NUP85: variants seen among roughly 807,000 people sequenced by gnomAD.
NUP85 encodes the protein nucleoporin 85.
A neutral mutation model predicts 92.8 loss-of-function variants in NUP85; 23 were observed. That is an observed-to-expected ratio of 0.25 (90% CI 0.18 to 0.35). NUP85 has a LOEUF of 0.35. Ranked by LOEUF, NUP85 falls within the 10% of genes least tolerant of loss-of-function variation. The pLI is 1.00. For missense variants in NUP85, 759 were observed against 822.8 expected (o/e 0.92, Z 0.95); for synonymous variants, 314 against 306.9 (o/e 1.02, Z -0.24).
chr17:75,226,001 G>T, intron 10 of NUP85, 50 bp from the exon 11 acceptor site: 1 of 1,608,322 alleles, frequency 6.2e-7, no homozygotes, highest in South Asian at 1.1e-5. Flanking sequence ...TGCCTGCCCC[G>T]AGTCTCTGCT....
Position 75,225,168 on chromosome 17 carries a change from T to C in NUP85, c.663T>C (p.Asp221=), listed in dbSNP as rs746614282. 2 of 1,605,970 alleles carry C rather than the reference T, an allele frequency of 1.2e-6. No individual in the cohort carries two copies. Among genetic ancestry groups the C allele is most frequent in the African/African-American group, 2.7e-5 (2 of 74,858 alleles). The change falls in exon 8 of 19, where the codon GAT becomes GAC. Residue 221 remains aspartate, a synonymous_variant. Coordinates refer to ENST00000245544, the MANE Select transcript of NUP85 (RefSeq NM_024844.5). Reference sequence around the variant, plus strand: ...GACAGATGCTCTCCAAGGAAGCCGATGCCAGCCCCGCCTCTGCAGGCATAT... The same window carrying C: ...GACAGATGCTCTCCAAGGAAGCCGACGCCAGCCCCGCCTCTGCAGGCATAT... ...EARQMLSKEA[D]ASPASAGICR...
At chr17:75,212,175 A>G in intron 4 of NUP85, 113 bp downstream of exon 4, 3 of 580,694 alleles carry the variant, frequency 5.2e-6, no homozygotes, top group Non-Finnish European at 5.7e-6. Flanking sequence ...ATTCCAGTCC[A>G]AAACTTATTT....
At position 75,232,923 on chromosome 17, in the gene NUP85, G is replaced by A. The variant is rs775724512; in HGVS notation, c.1469G>A (p.Ser490Asn). 1 of 1,614,238 alleles carries A rather than the reference G, an allele frequency of 6.2e-7. No individual in the cohort carries two copies. The highest frequency in any genetic ancestry group is 8.5e-7 in the Non-Finnish European group (1 of 1,180,050). ...CGCCTGGGTTCTGCCCTCTCTTGGAGCATCCGTGCTAAGGATGCCGCCTTT... is the reference window on the plus strand; with the variant it reads ...CGCCTGGGTTCTGCCCTCTCTTGGAACATCCGTGCTAAGGATGCCGCCTTT... Reference protein sequence around the residue: ...NNRLGSALSWSIRAKDAAFAT... With the variant: ...NNRLGSALSWNIRAKDAAFAT... The change falls in exon 15 of 19, where the codon AGC (serine) becomes AAC (asparagine). Residue 490 changes from serine (S) to asparagine (N), a missense_variant. Ser to Asn is a conservative substitution (Grantham distance 46). Transcript: ENST00000245544.
intron 16 of NUP85, 116 bp downstream of exon 16, chr17:75,233,274 T>C (rs2076148704): frequency 3.8e-6 from 3 of 790,030 alleles, no homozygotes; most frequent in South Asian, 3.2e-5. Context: ...ATTGCATCAG[T>C]GGTCCCAGAA....
At chr17:75,210,864 G>A (rs1287299696) in intron 3 of NUP85, among the ~76,000 whole-genome samples, 1 of 151,620 alleles carries the variant, frequency 6.6e-6, no homozygotes, top group African/African-American at 2.4e-5. Flanking sequence ...ACCACATCCG[G>A]CTAATTTTTT....
chr17:75,222,606 T>A (rs1339423807), intron 7 of NUP85, among the ~76,000 whole-genome samples: 1 of 146,504 alleles, frequency 6.8e-6, no homozygotes, highest in Non-Finnish European at 1.5e-5. Flanking sequence ...CCATTGCTCC[T>A]AGGGGAAATA....
At chr17:75,226,001 G>A (rs757413129) in intron 10 of NUP85, 50 bp from the exon 11 acceptor site, 42 of 1,608,206 alleles carry the variant, frequency 2.6e-5, no homozygotes, top group Middle Eastern at 1.6e-4. Context: ...TGCCTGCCCC[G>A]AGTCTCTGCT....
chr17:75,232,978 G>GC lies in NUP85; in HGVS notation c.1514+11dup. On this transcript the variant is annotated intron_variant, in intron 15 of 18. Transcript: ENST00000245544. ...CGCTCGTGTCAGACAGGTGGGTGCC[G>GC]CTAGTGTTGGCTTCCCAGGGACTGG... is the stretch of plus-strand genomic sequence containing the variant. 2 of 1,613,066 alleles carry GC rather than the reference G, an allele frequency of 1.2e-6. No individual in the cohort carries two copies. The highest frequency in any genetic ancestry group is 2.7e-5 in the African/African-American group (2 of 75,016).
chr17:75,213,326 T>C (rs531186117), intron 5 of NUP85, among the ~76,000 whole-genome samples: 1 of 151,774 alleles, frequency 6.6e-6, no homozygotes, highest in East Asian at 1.9e-4. Context: ...GAATGTTCGG[T>C]TCCTTTTTTT....
In NUP85 at chr17:75,231,642, G is replaced by T. The variant is rs746145105; in HGVS notation, c.1244+4G>T. 1.2e-6 allele frequency: 2 copies of T among 1,614,122 alleles called. No homozygotes were observed. The highest frequency in any genetic ancestry group is 1.3e-5 in the African/African-American group (1 of 75,048). On this transcript the variant is annotated splice_donor_region_variant and intron_variant, in intron 13 of 18. Transcript: ENST00000245544. This position sits in a 1 kb window ranked among gnomAD's most constrained non-coding sequence, Gnocchi z 4.6. Reference sequence around the variant, plus strand: ...CGGGACTGTTTGCTCATCCCAGGTAGGAAGGACCCCATGGGTGTGGGCTAT... The same window carrying T: ...CGGGACTGTTTGCTCATCCCAGGTATGAAGGACCCCATGGGTGTGGGCTAT...
chr17:75,218,904 T>C (rs984118321), intron 7 of NUP85, among the ~76,000 whole-genome samples: 31 of 152,094 alleles, frequency 2.0e-4, no homozygotes, highest in Admixed American at 1.6e-3. Context: ...CCAACCACCA[T>C]GCCTGGGTAA....
At chr17:75,210,400 A>T (rs969889038) in intron 3 of NUP85, among the ~76,000 whole-genome samples, 5 of 152,100 alleles carry the variant, frequency 3.3e-5, no homozygotes, top group African/African-American at 1.2e-4. Context: ...ATAGATTAGG[A>T]TTTTCTTGAA....
chr17:75,206,008 G>T (rs1422815588), intron 1 of NUP85, among the ~76,000 whole-genome samples: 1 of 152,014 alleles, frequency 6.6e-6, no homozygotes, highest in East Asian at 1.9e-4. Flanking sequence ...ACAAACCCCG[G>T]CCTCGAAGGT....
In NUP85 at chr17:75,225,197, G is replaced by A. The variant is rs775708688; in HGVS notation, c.692G>A (p.Arg231Gln). The change falls in exon 8 of 19, where the codon CGA becomes CAA. Residue 231 changes from arginine to glutamine, a missense_variant. Arg to Gln is a conservative substitution (Grantham distance 43). Coordinates refer to ENST00000245544, the MANE Select transcript of NUP85 (RefSeq NM_024844.5). ...AGCCCCGCCTCTGCAGGCATATGCC[G>A]AATCATGGGGGACCTGATGAGGACA... ...DASPASAGIC[R>Q]IMGDLMRTMP... 16 of 1,609,546 alleles carry A rather than the reference G, an allele frequency of 9.9e-6. No individual in the cohort carries two copies. In the East Asian group the frequency reaches 1.6e-4, roughly 16 times the overall value.
chr17:75,234,115 A>G (rs111432280), intron 16 of NUP85, among the ~76,000 whole-genome samples: 9,955 of 147,310 alleles, frequency 0.068, 911 homozygotes, highest in African/African-American at 0.2. Context: ...GCAGTGGTAC[A>G]ATCTTGGCTC....
chr17:75,235,134 T>TG lies in NUP85; in HGVS notation c.1803dup (p.Arg602AlafsTer17). The TG allele has an allele frequency of 6.2e-7, 1 of 1,614,188 alleles. No individual in the cohort carries two copies. Among genetic ancestry groups the TG allele is most frequent in the Non-Finnish European group, 8.5e-7 (1 of 1,180,008 alleles). On this transcript the variant is annotated frameshift_variant, in exon 18 of 19. Coordinates refer to ENST00000245544, the MANE Select transcript of NUP85 (RefSeq NM_024844.5). LOFTEE classifies it high-confidence loss of function. The stretch of plus-strand genomic sequence containing the variant: ...TCAGCAGAACAGACTTATGAGTTGA[T>TG]GCGGTGTCTGGAGGACTTGACGTCA...
At chr17:75,213,519 T>C (rs1177065484) in intron 5 of NUP85, among the ~76,000 whole-genome samples, 3 of 151,880 alleles carry the variant, frequency 2.0e-5, no homozygotes, top group Non-Finnish European at 4.4e-5. Flanking sequence ...TCTTGAACTT[T>C]TGACCTCAAG....
chr17:75,230,339 C>T (rs554334233), intron 11 of NUP85, among the ~76,000 whole-genome samples: 1 of 148,698 alleles, frequency 6.7e-6, no homozygotes, highest in Non-Finnish European at 1.5e-5. Context: ...CTGCACCCGG[C>T]CAAGGTGTAC....
chr17:75,229,664 G>A (rs115079106), intron 11 of NUP85, among the ~76,000 whole-genome samples: 3,439 of 152,248 alleles, frequency 0.023, 123 homozygotes, highest in African/African-American at 0.079. Context: ...GACCGTGGTG[G>A]CTTTGTGCAG....
Sources: allele counts gnomAD v4.1 joint callset (sites outside exome capture counted in the v4.1 genomes callset), GRCh38; gene constraint gnomAD v4.1.1; non-coding constraint Gnocchi (gnomAD v3.1); transcripts MANE v1.5; gene names NCBI Gene and HGNC (gene_info 2026-07-23, HGNC 2026-07-21).